The following STOM variants were observed in gnomAD, a reference collection of about 807,000 sequenced individuals.
STOM encodes the protein stomatin.
Under a neutral mutation model 30.6 loss-of-function variants are expected in STOM, and 25 were observed. That is an observed-to-expected ratio of 0.82 (90% confidence interval 0.60 to 1.14). STOM has a LOEUF of 1.14. Among genes scored for constraint, STOM ranks in the 50% most tolerant of loss-of-function variants. The pLI, the probability that STOM is intolerant of heterozygous loss-of-function variation, is 0.00. For synonymous variants in STOM, 118 were observed against 130.8 expected, an observed-to-expected ratio of 0.90 and a Z score of 0.67; for missense variants, 292 against 365.2, an observed-to-expected ratio of 0.80 and a Z score of 1.63.
At chr9:121,362,376 C>T (rs2064461918) in intron 1 of STOM, among the ~76,000 whole-genome samples, 1 of 152,110 alleles carries the variant, frequency 6.6e-6, no homozygotes, top group Non-Finnish European at 1.5e-5. Context: ...AATCTTCTCC[C>T]TCCCATCCAT....
chr9:121,366,939 T>G, intron 1 of STOM, among the ~76,000 whole-genome samples: 1 of 150,132 alleles, frequency 6.7e-6, no homozygotes, highest in Non-Finnish European at 1.5e-5. Flanking sequence ...AAAAAAAAAT[T>G]AGCTGGGTGT....
At chr9:121,351,105 G>GC (rs1189728452) in intron 4 of STOM, among the ~76,000 whole-genome samples, 1 of 152,198 alleles carries the variant, frequency 6.6e-6, no homozygotes, top group Non-Finnish European at 1.5e-5. Context: ...AAGGATTGCT[G>GC]CCAAGTTCCA....
chr9:121,340,021 A>C lies in STOM; in HGVS notation c.*1181T>G. On this transcript the variant is annotated 3_prime_UTR_variant, in exon 7 of 7. Transcript: ENST00000286713. ...TAATGGTTTCCTGAAGTTATCTCTT[A>C]AAAAAGTATTTTAGTCCTTCAGCTA... The C allele has an allele frequency of 1.0e-5, 10 of 985,420 alleles. No individual in the cohort carries two copies. The highest frequency in any genetic ancestry group is 1.1e-5 in the Non-Finnish European group (9 of 828,974). The allele number at this position is 985,420 out of a possible 1,614,324, so 61.0% of individuals were successfully genotyped here. A position where few individuals can be genotyped will look rare whatever the true frequency, so the allele number is the denominator to read the frequency against.
rs2064354224 is a variant in STOM, at chr9:121,353,161, G to A, written c.321+59C>T. 4.4e-6 allele frequency: 4 copies of A among 910,698 alleles called. No homozygotes were observed. The African/African-American group carries it at 5.1e-5, about 12-fold the overall frequency. The allele number at this position is 910,698 out of a possible 1,614,324, so 56.4% of individuals were successfully genotyped here. A position where few individuals can be genotyped will look rare whatever the true frequency, so the allele number is the denominator to read the frequency against. ...ATAAAGCCTACACTCTAACTATTCT[G>A]TCCCTCATTGTAAAGCACTTTCACA... On this transcript the variant is annotated intron_variant, in intron 4 of 6. Transcript: ENST00000286713.
At chr9:121,353,745 A>G (rs2064360293) in intron 3 of STOM, among the ~76,000 whole-genome samples, 1 of 152,032 alleles carries the variant, frequency 6.6e-6, no homozygotes, top group South Asian at 2.1e-4. Context: ...CTCTTGCTGG[A>G]CTGATCTACT....
chr9:121,353,052 T>C (rs560066350), intron 4 of STOM, among the ~76,000 whole-genome samples, 168 bp downstream of exon 4: 62 of 152,248 alleles, frequency 4.1e-4, no homozygotes, highest in African/African-American at 1.4e-3. Flanking sequence ...GAGATCACAC[T>C]ACTGCACTTC....
At position 121,370,249 on chromosome 9, in the gene STOM, G is replaced by T. The variant is rs772943611; in HGVS notation, c.-62C>A. ...TGCCAAACCCGGAGCCGCCGGGAAT[G>T]CCCTGAGGAGCCAGAGGCACAAGAC... is the stretch of plus-strand genomic sequence containing the variant. On this transcript the variant is annotated 5_prime_UTR_variant, in exon 1 of 7. Transcript: ENST00000286713. 2.5e-5 allele frequency: 38 copies of T among 1,501,450 alleles called. No homozygotes were observed. Among genetic ancestry groups the T allele is most frequent in the Non-Finnish European group, 3.0e-5 (33 of 1,113,936 alleles). The allele number at this position is 1,501,450 out of a possible 1,614,324, so 93.0% of individuals were successfully genotyped here. A position where few individuals can be genotyped will look rare whatever the true frequency, so the allele number is the denominator to read the frequency against.
intron 1 of STOM, among the ~76,000 whole-genome samples, chr9:121,369,563 G>A (rs953680226): frequency 2.0e-5 from 3 of 152,148 alleles, no homozygotes; most frequent in African/African-American, 7.2e-5. Context: ...GGAAAGCGGA[G>A]GGGGAAAAAT....
rs552773436 is a variant in STOM at position 121,353,165 on chromosome 9, C to G, written c.321+55G>C. 4.0e-6 allele frequency: 4 copies of G among 1,003,272 alleles called. No individual in the cohort carries two copies. The East Asian group carries it at 7.7e-5, about 19-fold the overall frequency. The allele number at this position is 1,003,272 out of a possible 1,614,324, so 62.1% of individuals were successfully genotyped here. ...AGCCTACACTCTAACTATTCTGTCC[C>G]TCATTGTAAAGCACTTTCACATATG... On this transcript the variant is annotated intron_variant, in intron 4 of 6. Transcript: ENST00000286713.
chr9:121,351,332 A>C (rs2064337334), intron 4 of STOM, among the ~76,000 whole-genome samples: 1 of 152,234 alleles, frequency 6.6e-6, no homozygotes, highest in African/African-American at 2.4e-5. Context: ...TTATGAGTAA[A>C]ATGTGGGCAA....
chr9:121,349,295 C>CT lies in STOM; in HGVS notation c.349dup (p.Ser117LysfsTer24). ...GCGGTAATAGACCACACCATCCACG[C>CT]TAATTGTCACTGAATCCTTTGTGAG... is the stretch of plus-strand genomic sequence containing the variant. On this transcript the variant is annotated frameshift_variant, in exon 5 of 7. Coordinates refer to ENST00000286713, the MANE Select transcript of STOM (RefSeq NM_004099.6). LOFTEE classifies it high-confidence loss of function. 1 of 1,614,152 alleles carries CT rather than the reference C, an allele frequency of 6.2e-7. No homozygotes were observed. The highest frequency in any genetic ancestry group is 8.5e-7 in the Non-Finnish European group (1 of 1,180,004).
chr9:121,351,439 C>T (rs942238931), intron 4 of STOM, among the ~76,000 whole-genome samples: 1 of 152,250 alleles, frequency 6.6e-6, no homozygotes, highest in African/African-American at 2.4e-5. Context: ...AAGCTGGTTT[C>T]TGGTATTTGT....
At chr9:121,348,746 ATC>A (rs1273529889) in intron 5 of STOM, among the ~76,000 whole-genome samples, 1 of 152,224 alleles carries the variant, frequency 6.6e-6, no homozygotes, top group Non-Finnish European at 1.5e-5. Context: ...TTAACTGAAT[ATC>A]TGTTACTCAA....
rs2064231346 is a variant in STOM, at chr9:121,339,955, T to G, written c.*1247A>C. On this transcript the variant is annotated 3_prime_UTR_variant, in exon 7 of 7. Coordinates refer to ENST00000286713, the MANE Select transcript of STOM (RefSeq NM_004099.6). ...TGAATGGGTTTGTAATCAACATATT[T>G]CACAGTGTACCACAGTTAACAGCAT... is the stretch of plus-strand genomic sequence containing the variant. 7.8e-6 allele frequency: 8 copies of G among 1,027,020 alleles called. No individual in the cohort carries two copies. Among genetic ancestry groups the G allele is most frequent in the Non-Finnish European group, 9.3e-6 (8 of 857,870 alleles). 63.6% of individuals were successfully genotyped at this position (1,027,020 alleles called of 1,614,324 possible).
intron 1 of STOM, among the ~76,000 whole-genome samples, chr9:121,361,804 C>T (rs1347576932): frequency 6.6e-6 from 1 of 152,108 alleles, no homozygotes; most frequent in Non-Finnish European, 1.5e-5. Context: ...TTTTTGGCAC[C>T]AGGGACCAGT....
At chr9:121,343,902 T>G (rs2064267296) in intron 6 of STOM, among the ~76,000 whole-genome samples, 1 of 152,142 alleles carries the variant, frequency 6.6e-6, no homozygotes, top group Non-Finnish European at 1.5e-5. Flanking sequence ...TGAAAGCTGC[T>G]AGTGGAACTG....
rs2064231121 is a variant in STOM at position 121,339,924 on chromosome 9, A to T, written c.*1278T>A. 9.4e-7 allele frequency: 1 copy of T among 1,060,138 alleles called. No individual in the cohort carries two copies. The highest frequency in any genetic ancestry group is 4.6e-5 in the South Asian group (1 of 21,922). 65.7% of individuals were successfully genotyped at this position (1,060,138 alleles called of 1,614,324 possible). On this transcript the variant is annotated 3_prime_UTR_variant, in exon 7 of 7. Coordinates refer to ENST00000286713, the MANE Select transcript of STOM (RefSeq NM_004099.6). ...CAATATACTGTGAATTCCTTATACT[A>T]TGTAATGAATGGGTTTGTAATCAAC...
chr9:121,340,568 C>A lies in STOM; in HGVS notation c.*634G>T, dbSNP rs1220923037. On this transcript the variant is annotated 3_prime_UTR_variant, in exon 7 of 7. Transcript: ENST00000286713. ...CCTGGCCAACATGGTGAAACCCCGT[C>A]TCTACTAAAAAACAATAATAATAAT... 2 of 608,594 alleles carry A rather than the reference C, an allele frequency of 3.3e-6. No individual in the cohort carries two copies. The highest frequency in any genetic ancestry group is 2.0e-5 in the African/African-American group (1 of 49,806). The allele number at this position is 608,594 out of a possible 1,614,324, so 37.7% of individuals were successfully genotyped here.
intron 4 of STOM, among the ~76,000 whole-genome samples, chr9:121,352,907 A>G (rs927122583): frequency 6.6e-6 from 1 of 152,126 alleles, no homozygotes; most frequent in African/African-American, 2.4e-5. Flanking sequence ...CCTGGCCAAC[A>G]TGGCAAAATC....
Sources: allele counts gnomAD v4.1 joint callset (sites outside exome capture counted in the v4.1 genomes callset), GRCh38; gene constraint gnomAD v4.1.1; transcripts MANE v1.5; gene names NCBI Gene and HGNC (gene_info 2026-07-23, HGNC 2026-07-21).